ATP2B2: variants seen among roughly 807,000 people sequenced by gnomAD.
The protein encoded by ATP2B2 is plasma membrane calcium-transporting ATPase 2.
In ATP2B2, 15 loss-of-function variants were observed where a neutral mutation model predicts 120.0. The observed-to-expected ratio is 0.12, with a 90% CI of 0.08 to 0.19. ATP2B2 has a LOEUF of 0.19. Ranked by LOEUF, ATP2B2 falls within the 10% of genes least tolerant of loss-of-function variation. ATP2B2 has a pLI of 1.00. For synonymous variants in ATP2B2, 694 were observed against 700.3 expected (o/e 0.99, Z 0.14); for missense variants, 1,045 against 1,719.8 (o/e 0.61, Z 6.94).
intron 12 of ATP2B2, 27 bp from the exon 13 acceptor site, chr3:10,360,150 C>T (rs2060855926): frequency 6.4e-7 from 1 of 1,562,090 alleles, no homozygotes; most frequent in Non-Finnish European, 8.7e-7. Flanking sequence ...GAGCGGCTGG[C>T]ACCTGGTGGG....
chr3:10,381,874 G>A (rs1396370545), intron 8 of ATP2B2, among the ~76,000 whole-genome samples: 1 of 152,196 alleles, frequency 6.6e-6, no homozygotes, highest in Non-Finnish European at 1.5e-5. Context: ...TTCCTGGTAA[G>A]CTGACCTGAT....
chr3:10,649,548 T>G (rs752110458), intron 1 of ATP2B2, among the ~76,000 whole-genome samples: 3 of 152,178 alleles, frequency 2.0e-5, no homozygotes, highest in Non-Finnish European at 2.9e-5. Context: ...TTCCTCTCTC[T>G]TATTAGACTA....
At chr3:10,701,032 G>C (rs543296255) in intron 1 of ATP2B2, among the ~76,000 whole-genome samples, 5 of 152,340 alleles carry the variant, frequency 3.3e-5, no homozygotes, top group Admixed American at 3.3e-4. Flanking sequence ...CATGTGGCTA[G>C]AGAGTAAGGA....
chr3:10,436,351 C>T (rs1194424395), intron 2 of ATP2B2, among the ~76,000 whole-genome samples: 1 of 152,174 alleles, frequency 6.6e-6, no homozygotes, highest in African/African-American at 2.4e-5. Flanking sequence ...GGTAGAAATA[C>T]CGTATAATGG....
chr3:10,631,814 A>G (rs143283238), intron 1 of ATP2B2, among the ~76,000 whole-genome samples: 1 of 152,348 alleles, frequency 6.6e-6, no homozygotes, highest in African/African-American at 2.4e-5. Context: ...TCAGAGCAAC[A>G]TTTGGAAAGT....
intron 1 of ATP2B2, among the ~76,000 whole-genome samples, chr3:10,672,065 AG>A (rs912501008): frequency 2.6e-5 from 4 of 152,246 alleles, no homozygotes; most frequent in Non-Finnish European, 5.9e-5. Context: ...GATTTTATGC[AG>A]TGTGACAGCC....
intron 10 of ATP2B2, among the ~76,000 whole-genome samples, chr3:10,376,252 T>C (rs370536327): frequency 6.6e-6 from 1 of 151,856 alleles, no homozygotes; most frequent in East Asian, 1.9e-4. Flanking sequence ...TGGTGACACA[T>C]TGTGAAGAAA....
At chr3:10,518,334 C>T (rs1028975562) in intron 3 of ATP2B2, among the ~76,000 whole-genome samples, 2 of 152,182 alleles carry the variant, frequency 1.3e-5, no homozygotes, top group Non-Finnish European at 2.9e-5. Context: ...GTGCTTGCCC[C>T]CCTCCAAAAT....
chr3:10,651,341 A>G (rs2070455814), intron 1 of ATP2B2, among the ~76,000 whole-genome samples: 1 of 152,158 alleles, frequency 6.6e-6, no homozygotes, highest in South Asian at 2.1e-4. Flanking sequence ...AGGTAATTGA[A>G]TCATGGGGGC....
At chr3:10,600,641 T>C (rs2068883542) in intron 2 of ATP2B2, among the ~76,000 whole-genome samples, 2 of 152,228 alleles carry the variant, frequency 1.3e-5, no homozygotes, top group African/African-American at 4.8e-5. Flanking sequence ...GGTGCTCTGG[T>C]TCCTAATCAG....
At chr3:10,610,705 A>G (rs890257463) in intron 2 of ATP2B2, among the ~76,000 whole-genome samples, 2 of 151,874 alleles carry the variant, frequency 1.3e-5, no homozygotes, top group African/African-American at 4.8e-5. Flanking sequence ...CCCTCTCCCC[A>G]TCTCTTTTCC....
intron 5 of ATP2B2, among the ~76,000 whole-genome samples, chr3:10,393,261 C>A (rs1219684859): frequency 6.6e-6 from 1 of 152,178 alleles, no homozygotes; most frequent in Non-Finnish European, 1.5e-5. Flanking sequence ...GCGGGCCGGG[C>A]CAAAGCTCAG....
chr3:10,590,198 A>T (rs2068610147), intron 2 of ATP2B2, among the ~76,000 whole-genome samples: 1 of 152,204 alleles, frequency 6.6e-6, no homozygotes, highest in Non-Finnish European at 1.5e-5. Flanking sequence ...TTTTGATATG[A>T]TTCAATTTTT....
intron 2 of ATP2B2, among the ~76,000 whole-genome samples, chr3:10,541,573 C>G (rs766777044): frequency 2.5e-4 from 38 of 152,072 alleles, no homozygotes; most frequent in Admixed American, 2.6e-4. Flanking sequence ...TGGATATTTT[C>G]CAAATATCTT....
At chr3:10,606,700 C>T (rs528007101) in intron 2 of ATP2B2, among the ~76,000 whole-genome samples, 19 of 152,056 alleles carry the variant, frequency 1.2e-4, no homozygotes, top group East Asian at 5.8e-4. Flanking sequence ...ACTTTTACAA[C>T]GGTTTGGAGC....
chr3:10,352,478 T>C (rs1473982671), intron 14 of ATP2B2, among the ~76,000 whole-genome samples: 3 of 152,232 alleles, frequency 2.0e-5, no homozygotes, highest in Non-Finnish European at 2.9e-5. Flanking sequence ...CTCTAGCTAC[T>C]GGAGTTGTCT....
chr3:10,352,524 C>T (rs944676878), intron 14 of ATP2B2, among the ~76,000 whole-genome samples: 5 of 152,188 alleles, frequency 3.3e-5, no homozygotes, highest in Non-Finnish European at 5.9e-5. Flanking sequence ...TAGTGATCTC[C>T]CCGTTGTTGA....
Position 10,512,464 on chromosome 3 carries a change from G to GCGCGCGCGCGCACACACACA in ATP2B2, c.-320+21574_-320+21575insTGTGTGTGTGCGCGCGCGCG, listed in dbSNP as rs749056818. Among the ~76,000 whole-genome samples, 20 of 137,020 alleles carry GCGCGCGCGCGCACACACACA rather than the reference G, an allele frequency of 1.5e-4. No homozygotes were observed. In the East Asian group the frequency reaches 2.5e-3, roughly 17 times the overall value. 89.9% of individuals were successfully genotyped at this position (137,020 alleles called of 152,430 possible). On this transcript the variant is annotated intron_variant, in intron 3 of 21. Coordinates refer to the ATP2B2 transcript ENST00000646379. ...TATTCCTGGGTGCTAAAGTGTGTGC[G>GCGCGCGCGCGCACACACACA]CACACACACACACACACACACACAC...
chr3:10,610,785 C>T (rs1301749873), intron 2 of ATP2B2, among the ~76,000 whole-genome samples: 1 of 152,184 alleles, frequency 6.6e-6, no homozygotes, highest in African/African-American at 2.4e-5. Context: ...AATATCAACA[C>T]ATGCTGGAGG....
Sources: gnomAD v4.1 joint callset for allele counts (sites outside exome capture counted in the v4.1 genomes callset) on GRCh38, gnomAD v4.1.1 for gene constraint, MANE v1.5 for transcripts, NCBI Gene and HGNC (gene_info 2026-07-23, HGNC 2026-07-21) for gene names.